Variants in AGBL4 observed in about 807,000 individuals in gnomAD.
AGBL4 encodes AGBL carboxypeptidase 4, also known as cytosolic carboxypeptidase 6.
A neutral mutation model predicts 66.4 loss-of-function variants in AGBL4; 58 were observed. The observed-to-expected ratio is 0.87, with a 90% CI of 0.71 to 1.09. AGBL4 has a LOEUF of 1.09. AGBL4 is among the 50% of genes least tolerant of loss of function. AGBL4 has a pLI of 0.00. For synonymous variants in AGBL4, 234 were observed against 222.9 expected (o/e 1.05, Z -0.44); for missense variants, 579 against 631.0 (o/e 0.92, Z 0.88).
At chr1:48,872,367 C>T (rs963534698) in intron 5 of AGBL4, among the ~76,000 whole-genome samples, 3 of 152,124 alleles carry the variant, frequency 2.0e-5, no homozygotes, top group Non-Finnish European at 4.4e-5. Flanking sequence ...GTGTAAGTCA[C>T]ATATATTTAT....
rs1302841542 is a variant in AGBL4, at chr1:48,996,263, G to A, written c.594+49321C>T. ...TATACTAATCTAGAGTTCAGGAGAA[G>A]TTAAGGTTGAAAATGTAGATATGGA... On this transcript the variant is annotated intron_variant, in intron 5 of 13. Transcript: ENST00000371839. Among the ~76,000 whole-genome samples, 3 of 152,214 alleles carry A rather than the reference G, an allele frequency of 2.0e-5. No homozygotes were observed. The East Asian group carries it at 5.8e-4, about 29-fold the overall frequency.
At chr1:49,706,990 T>C (rs561129267) in intron 2 of AGBL4, among the ~76,000 whole-genome samples, 1 of 152,286 alleles carries the variant, frequency 6.6e-6, no homozygotes, top group African/African-American at 2.4e-5. Context: ...AGAATAACTG[T>C]TATGTGGTGC....
chr1:48,720,183 C>T (rs867836128), intron 6 of AGBL4, among the ~76,000 whole-genome samples: 5 of 152,156 alleles, frequency 3.3e-5, no homozygotes, highest in Admixed American at 6.5e-5. Context: ...GTGGTCCCTA[C>T]CTTAAAGGGC....
At chr1:49,365,720 A>T (rs1644229565) in intron 3 of AGBL4, among the ~76,000 whole-genome samples, 1 of 151,952 alleles carries the variant, frequency 6.6e-6, no homozygotes, top group Non-Finnish European at 1.5e-5. Context: ...CTCTATTTCA[A>T]TTCCTTGATG....
chr1:49,655,693 T>A (rs896673997), intron 3 of AGBL4, among the ~76,000 whole-genome samples: 12 of 151,978 alleles, frequency 7.9e-5, no homozygotes, highest in Admixed American at 2.6e-4. Context: ...AGGCAAGAAA[T>A]AACTAAGATC....
intron 3 of AGBL4, among the ~76,000 whole-genome samples, chr1:49,397,294 C>CCCACAATGAAGATA (rs1553195270): frequency 6.6e-6 from 1 of 152,010 alleles, no homozygotes; most frequent in Non-Finnish European, 1.5e-5. Context: ...GCCCCATCTG[C>CCCACAATGAAGATA]CCACAATGAA....
intron 3 of AGBL4, among the ~76,000 whole-genome samples, chr1:49,498,703 A>G (rs1353761074): frequency 2.0e-5 from 3 of 152,000 alleles, no homozygotes; most frequent in South Asian, 2.1e-4. Flanking sequence ...ATAGAGGTGC[A>G]TTGGTCATAT....
intron 5 of AGBL4, among the ~76,000 whole-genome samples, chr1:48,915,915 A>G (rs1653547903): frequency 6.6e-6 from 1 of 152,222 alleles, no homozygotes; most frequent in African/African-American, 2.4e-5. Context: ...TCTCTGAAAG[A>G]GAAAAATGTA....
intron 4 of AGBL4, among the ~76,000 whole-genome samples, chr1:49,180,142 C>T (rs1646905352): frequency 6.6e-6 from 1 of 152,178 alleles, no homozygotes; most frequent in Non-Finnish European, 1.5e-5. Flanking sequence ...AGGTGATCCG[C>T]CCGCCTCAGC....
chr1:49,743,352 G>C (rs1395990108), intron 2 of AGBL4, among the ~76,000 whole-genome samples: 2 of 152,150 alleles, frequency 1.3e-5, no homozygotes, highest in Admixed American at 6.6e-5. Flanking sequence ...ACCACAATGA[G>C]ATACCATCTC....
At chr1:49,501,371 G>A (rs1648133946) in intron 3 of AGBL4, among the ~76,000 whole-genome samples, 1 of 152,094 alleles carries the variant, frequency 6.6e-6, no homozygotes, top group Non-Finnish European at 1.5e-5. Context: ...CACAAGGTGA[G>A]TCTCCACACG....
intron 1 of AGBL4, among the ~76,000 whole-genome samples, chr1:49,924,933 A>G (rs1652611623): frequency 6.6e-6 from 1 of 152,154 alleles, no homozygotes; most frequent in Admixed American, 6.5e-5. Flanking sequence ...TGGGGTCCTA[A>G]ATAAACTTGA....
intron 6 of AGBL4, among the ~76,000 whole-genome samples, chr1:48,698,284 T>C (rs1453974989): frequency 6.6e-6 from 1 of 151,530 alleles, no homozygotes; most frequent in African/African-American, 2.4e-5. Flanking sequence ...GAGGCTGGAG[T>C]GGACAGGGAA....
At chr1:49,786,914 A>G (rs970304713) in intron 2 of AGBL4, among the ~76,000 whole-genome samples, 33 of 152,240 alleles carry the variant, frequency 2.2e-4, no homozygotes, top group African/African-American at 7.9e-4. Context: ...ATTTTCCATC[A>G]CTACATAACA....
intron 1 of AGBL4, among the ~76,000 whole-genome samples, chr1:49,911,995 T>C (rs1460234967): frequency 1.3e-5 from 2 of 152,216 alleles, no homozygotes; most frequent in Non-Finnish European, 2.9e-5. Flanking sequence ...TGCCAACTTC[T>C]GTCACAGCAG....
At chr1:48,651,645 C>A (rs547572022) in intron 8 of AGBL4, among the ~76,000 whole-genome samples, 3 of 152,298 alleles carry the variant, frequency 2.0e-5, no homozygotes, top group East Asian at 3.9e-4. Context: ...AGAGTGGAAG[C>A]AAAACTGTCT....
chr1:49,336,833 A>G (rs1366968121), intron 3 of AGBL4, among the ~76,000 whole-genome samples: 1 of 152,220 alleles, frequency 6.6e-6, no homozygotes, highest in South Asian at 2.1e-4. Context: ...CAGTTTCTAA[A>G]CTATAGCAGG....
intron 6 of AGBL4, among the ~76,000 whole-genome samples, chr1:48,769,666 T>C (rs1187379368): frequency 6.6e-6 from 1 of 152,134 alleles, no homozygotes; most frequent in Non-Finnish European, 1.5e-5. Flanking sequence ...AGCAAGTCAC[T>C]GTTCTTCTCT....
intron 3 of AGBL4, among the ~76,000 whole-genome samples, chr1:49,670,911 C>T (rs1480161193): frequency 6.6e-6 from 1 of 152,146 alleles, no homozygotes; most frequent in Non-Finnish European, 1.5e-5. Context: ...CTTCAAGAAG[C>T]TAAAGCAATT....
Sources: gnomAD v4.1 joint callset for allele counts (sites outside exome capture counted in the v4.1 genomes callset) on GRCh38, gnomAD v4.1.1 for gene constraint, MANE v1.5 for transcripts, NCBI Gene and HGNC (gene_info 2026-07-23, HGNC 2026-07-21) for gene names.